MAMDC4: variants seen among roughly 807,000 people sequenced by gnomAD.
MAMDC4 encodes MAM domain containing 4, also known as apical endosomal glycoprotein.
In MAMDC4, 168 loss-of-function variants were observed where a neutral mutation model predicts 153.3. The observed-to-expected ratio is 1.10, with a 90% CI of 0.97 to 1.25. The LOEUF (loss-of-function observed/expected upper bound fraction) is 1.25, where lower values mean the gene tolerates loss of function less well. Among genes scored for constraint, MAMDC4 ranks in the 50% most tolerant of loss-of-function variants. The pLI is 0.00. For missense variants in MAMDC4, 1,701 were observed against 1,542.8 expected, an observed-to-expected ratio of 1.10 and a Z score of -1.72; for synonymous variants, 744 against 651.5, an observed-to-expected ratio of 1.14 and a Z score of -2.16.
At chr9:136,854,877 T>G (rs748352219) in intron 9 of MAMDC4, 27 bp downstream of exon 9, 13 of 1,612,544 alleles carry the variant, frequency 8.1e-6, no homozygotes, top group Non-Finnish European at 1.1e-5. Flanking sequence ...TCACAGGGCC[T>G]CCCTGCTCTC....
At chr9:136,858,312 G>C in intron 21 of MAMDC4, 36 bp downstream of exon 21, 1 of 1,600,692 alleles carries the variant, frequency 6.2e-7, no homozygotes, top group Non-Finnish European at 8.5e-7. Context: ...CCTGCTCTGG[G>C]GTGCCTGCCT....
rs1554774592 is a variant in MAMDC4 at position 136,858,492 on chromosome 9, A to T, written c.2767A>T (p.Thr923Ser). 46 of 1,607,026 alleles carry T rather than the reference A, an allele frequency of 2.9e-5. No individual in the cohort carries two copies. In the South Asian group the frequency reaches 4.4e-4, roughly 15 times the overall value. Residue 923 changes from threonine to serine, a missense_variant, in exon 22 of 27, where the codon ACC (threonine) becomes TCC (serine). Physicochemically the swap from Thr to Ser is moderately conservative, Grantham distance 58. Coordinates refer to ENST00000317446, the MANE Select transcript of MAMDC4 (RefSeq NM_206920.3). ...CAGCTGGGACTGGGGCGGGGGAGCC[A>T]CCCCCTCTCGTTACCCCCAGCCCCC... The part of the protein sequence containing the change: ...GYSWDWGGGA[T>S]PSRYPQPPVD...
Position 136,854,525 on chromosome 9 carries a change from A to T in MAMDC4, c.797-14A>T, listed in dbSNP as rs1848974399. The stretch of plus-strand genomic sequence containing the variant: ...ACTGCCTGGTGGCCCTGACACGCCC[A>T]CCTCCTGCCCTAGGCCGCCACATAG... On this transcript the variant is annotated splice_polypyrimidine_tract_variant and intron_variant, in intron 7 of 26. Transcript: ENST00000317446. 6.3e-7 allele frequency: 1 copy of T among 1,596,902 alleles called. No individual in the cohort carries two copies.
Position 136,853,983 on chromosome 9 carries a change from TCTC to T in MAMDC4, c.586-8_586-6del. ...CCTGACTTAGGTCCTAAGAGCCTGT[TCTC>T]TTCAGGTGACCTTCTCTGCCACCCG... On this transcript the variant is annotated splice_polypyrimidine_tract_variant and splice_region_variant and intron_variant, in intron 5 of 26. Transcript: ENST00000317446. The T allele has an allele frequency of 6.2e-7, 1 of 1,612,858 alleles. No individual in the cohort carries two copies. The highest frequency in any genetic ancestry group is 8.5e-7 in the Non-Finnish European group (1 of 1,179,924).
intron 25 of MAMDC4, 197 bp from the exon 26 acceptor site, chr9:136,859,689 C>T (rs1269846863): frequency 3.1e-5 from 19 of 620,910 alleles, no homozygotes; most frequent in Middle Eastern, 8.7e-4. Flanking sequence ...CCATGAGCCC[C>T]ACCAAGTCTG....
Position 136,855,473 on chromosome 9 carries a change from C to T in MAMDC4, c.1325C>T (p.Pro442Leu). The change falls in exon 12 of 27, where the codon CCA (proline) becomes CTA (leucine). Residue 442 changes from proline to leucine, a missense_variant. By Grantham distance (98) the Pro-to-Leu change is moderately conservative. Coordinates refer to ENST00000317446, the MANE Select transcript of MAMDC4 (RefSeq NM_206920.3). ...CCGCTGCCTCCTGGGCCCCGGGCCC[C>T]AGCCCCCCAGCCCCTGCCGCCCAGC... ...LQPLPPGPRA[P>L]APQPLPPSSR... 1 of 1,604,488 alleles carries T rather than the reference C, an allele frequency of 6.2e-7. No homozygotes were observed. Among genetic ancestry groups the T allele is most frequent in the Non-Finnish European group, 8.5e-7 (1 of 1,176,254 alleles).
chr9:136,853,208 T>A lies in MAMDC4; in HGVS notation c.153T>A (p.Cys51Ter), dbSNP rs1280793584. Residue 51 changes from cysteine to a stop codon, truncating the protein, a stop_gained and splice_region_variant, in exon 2 of 27, where the codon TGT (cysteine) becomes TGA (stop). Coordinates refer to ENST00000317446, the MANE Select transcript of MAMDC4 (RefSeq NM_206920.3). LOFTEE classifies it high-confidence loss of function. ...GGGACTGCTCAGATGAGGCCCAGTG[T>A]GGTGAGCCAAGACCAGATGGGCGGG... ...DCRDCSDEAQ[C>*]GYHGASPTLG... is the part of the protein sequence containing the mutation. 1.7e-5 allele frequency: 28 copies of A among 1,612,730 alleles called. No individual in the cohort carries two copies. Among genetic ancestry groups the A allele is most frequent in the Non-Finnish European group, 2.4e-5 (28 of 1,179,894 alleles).
rs746132594 is a variant in MAMDC4, at chr9:136,857,047, T to G, written c.1972+6T>G. ...CCTCCATGGGCCCCAGATTGGTGAGTGGACCTGGAAACAGGGCAGAGCCTG... is the reference window on the plus strand; with the variant it reads ...CCTCCATGGGCCCCAGATTGGTGAGGGGACCTGGAAACAGGGCAGAGCCTG... On this transcript the variant is annotated splice_donor_region_variant and intron_variant, in intron 16 of 26. Transcript: ENST00000317446. 11 of 1,609,642 alleles carry G rather than the reference T, an allele frequency of 6.8e-6. No individual in the cohort carries two copies. The highest frequency in any genetic ancestry group is 8.5e-6 in the Non-Finnish European group (10 of 1,178,038).
intron 1 of MAMDC4, 147 bp from the exon 2 acceptor site, chr9:136,852,954 TG>T: frequency 3.0e-6 from 2 of 670,756 alleles, no homozygotes; most frequent in Non-Finnish European, 5.1e-6. Context: ...GAGTTCTCTG[TG>T]GGTCCCAGCC....
intron 13 of MAMDC4, 45 bp from the exon 14 acceptor site, chr9:136,855,973 G>A (rs767779225): frequency 6.3e-7 from 1 of 1,580,228 alleles, no homozygotes; most frequent in Non-Finnish European, 8.6e-7. Flanking sequence ...GACAGAGTGG[G>A]GCCCTGGAAG....
At position 136,860,200 on chromosome 9, in the gene MAMDC4, G is replaced by T; in HGVS notation, c.3372+136G>T. 6.8e-6 allele frequency: 7 copies of T among 1,035,270 alleles called. No homozygotes were observed. In the South Asian group the frequency reaches 1.2e-4, roughly 17 times the overall value. The allele number at this position is 1,035,270 out of a possible 1,614,324, so 64.1% of individuals were successfully genotyped here. On this transcript the variant is annotated intron_variant, in intron 26 of 26. Coordinates refer to ENST00000317446, the MANE Select transcript of MAMDC4 (RefSeq NM_206920.3). ...GGCCCATCCTTGCCCTCCCTGCCCT[G>T]CCTCTCCCAGCCACCACTGTCAAAG...
At position 136,854,633 on chromosome 9, in the gene MAMDC4, C is replaced by A. The variant is rs772200627; in HGVS notation, c.891C>A (p.Arg297=). 1 of 1,608,788 alleles carries A rather than the reference C, an allele frequency of 6.2e-7. No individual in the cohort carries two copies. The highest frequency in any genetic ancestry group is 8.5e-7 in the Non-Finnish European group (1 of 1,178,430). The change falls in exon 8 of 27, where the codon CGC becomes CGA. Residue 297 remains arginine (R), a synonymous_variant. Coordinates refer to ENST00000317446, the MANE Select transcript of MAMDC4 (RefSeq NM_206920.3). ...ACCACCGCGCTGGTGGTCCTGAGCGCCCCTCCTGGCCACGCCGTGACCACA... is the reference window on the plus strand; with the variant it reads ...ACCACCGCGCTGGTGGTCCTGAGCGACCCTCCTGGCCACGCCGTGACCACA... ...SRNHRAGGPE[R]PSWPRRDHSR... is the part of the protein sequence containing the mutation.
In MAMDC4 at chr9:136,854,331, C is replaced by A; in HGVS notation, c.791C>A (p.Thr264Asn). ...CGDLSDENPL[T>N]CGRHIATDFE... ...GACCTGTCTGATGAGAACCCACTCACCTGTGGTGAGGCCGGAGTGGGGGCC... is the reference window on the plus strand; with the variant it reads ...GACCTGTCTGATGAGAACCCACTCAACTGTGGTGAGGCCGGAGTGGGGGCC... The change falls in exon 7 of 27, where the codon ACC becomes AAC. Residue 264 changes from threonine (T) to asparagine (N), a missense_variant. Transcript: ENST00000317446. 6.4e-7 allele frequency: 1 copy of A among 1,566,742 alleles called. No homozygotes were observed. The highest frequency in any genetic ancestry group is 1.7e-4 in the Middle Eastern group (1 of 5,856).
At chr9:136,859,552 C>G in intron 25 of MAMDC4, 1 of 593,212 alleles carries the variant, frequency 1.7e-6, no homozygotes, top group East Asian at 2.9e-5. Flanking sequence ...GCCTGCCCTG[C>G]CTGGCTGTGG....
rs777204710 is a variant in MAMDC4, at chr9:136,854,832, A to C, written c.1005A>C (p.Ser335=). 4 of 1,612,570 alleles carry C rather than the reference A, an allele frequency of 2.5e-6. No individual in the cohort carries two copies. Among genetic ancestry groups the C allele is most frequent in the Non-Finnish European group, 1.7e-6 (2 of 1,179,828 alleles). The part of the protein sequence containing the change: ...AILSSPEFQA[S]GTSNCSLVFY... The stretch of plus-strand genomic sequence containing the variant: ...TCTCCAGCCCCGAATTCCAAGCCTC[A>C]GGCACCTCCAACTGCTCGGTGAGAT... Residue 335 remains serine (S), a synonymous_variant, in exon 9 of 27, where the codon TCA becomes TCC. Transcript: ENST00000317446.
chr9:136,856,636 C>CG, intron 14 of MAMDC4, 74 bp from the exon 15 acceptor site: 1 of 1,454,520 alleles, frequency 6.9e-7, no homozygotes. Context: ...CCAGGGACCC[C>CG]GGAGCTTCCA....
chr9:136,854,580 T>C lies in MAMDC4; in HGVS notation c.838T>C (p.Trp280Arg). 6.2e-7 allele frequency: 1 copy of C among 1,607,754 alleles called. No individual in the cohort carries two copies. The highest frequency in any genetic ancestry group is 1.3e-5 in the African/African-American group (1 of 74,860). Residue 280 changes from tryptophan (W) to arginine (R), a missense_variant, in exon 8 of 27, where the codon TGG (tryptophan) becomes CGG (arginine). By Grantham distance (101) the Trp-to-Arg change is moderately radical. Coordinates refer to ENST00000317446, the MANE Select transcript of MAMDC4 (RefSeq NM_206920.3). ...ATDFETGLGP[W>R]NRSEGWSRNH... ...CGACTTTGAGACAGGCCTGGGCCCATGGAACCGCTCGGAAGGCTGGTCCCG... is the reference window on the plus strand; with the variant it reads ...CGACTTTGAGACAGGCCTGGGCCCACGGAACCGCTCGGAAGGCTGGTCCCG...
At position 136,853,582 on chromosome 9, in the gene MAMDC4, G is replaced by A. The variant is rs1335033941; in HGVS notation, c.366G>A (p.Glu122=). 4 of 1,612,686 alleles carry A rather than the reference G, an allele frequency of 2.5e-6. No homozygotes were observed. Among genetic ancestry groups the A allele is most frequent in the Non-Finnish European group, 3.4e-6 (4 of 1,179,954 alleles). ...YMAVGTHRGK[E]ASTAALRSPT... ...CCGTTGGAACCCACCGAGGGAAAGA[G>A]GCATCCACCGCAGCCCTGCGCTCGC... The change falls in exon 4 of 27, where the codon GAG becomes GAA. Residue 122 remains glutamate, a synonymous_variant. Coordinates refer to ENST00000317446, the MANE Select transcript of MAMDC4 (RefSeq NM_206920.3).
intron 2 of MAMDC4, 32 bp from the exon 3 acceptor site, chr9:136,853,253 T>G (rs1303805927): frequency 6.2e-7 from 1 of 1,610,650 alleles, no homozygotes. Flanking sequence ...TGCGAGCAGG[T>G]CTGGCACACA....
Sources: allele counts gnomAD v4.1 joint callset, GRCh38; gene constraint gnomAD v4.1.1; transcripts MANE v1.5; gene names NCBI Gene and HGNC (gene_info 2026-07-23, HGNC 2026-07-21).